The following UBASH3B variants were observed in gnomAD, a reference collection of about 807,000 sequenced individuals.
The protein encoded by UBASH3B is ubiquitin associated and SH3 domain containing B.
In UBASH3B, 37 loss-of-function variants were observed where a neutral mutation model predicts 83.4. The ratio of observed to expected loss-of-function variants is 0.44; its 90% confidence interval spans 0.34 to 0.58. The LOEUF is 0.58. Among genes scored for constraint, UBASH3B ranks in the 20% least tolerant of loss-of-function variants. UBASH3B has a pLI of 0.01. For synonymous variants in UBASH3B, 304 were observed against 318.3 expected (o/e 0.96, Z 0.48); for missense variants, 657 against 827.2 (o/e 0.79, Z 2.52).
intron 1 of UBASH3B, among the ~76,000 whole-genome samples, chr11:122,762,864 T>A (rs1215139241): frequency 6.6e-6 from 1 of 152,238 alleles, no homozygotes; most frequent in African/African-American, 2.4e-5. Context: ...TTTACAGACA[T>A]TATTCCAGGA....
intron 1 of UBASH3B, among the ~76,000 whole-genome samples, chr11:122,677,284 T>A (rs1052985157): frequency 2.6e-5 from 4 of 152,212 alleles, no homozygotes; most frequent in Admixed American, 1.3e-4. Flanking sequence ...AGGATTTCGA[T>A]ATCTGAGGGA....
At chr11:122,676,400 G>A (rs1257101042) in intron 1 of UBASH3B, among the ~76,000 whole-genome samples, 3 of 152,098 alleles carry the variant, frequency 2.0e-5, no homozygotes, top group East Asian at 1.9e-4. Context: ...TTAGCTGGAC[G>A]TGGTGGCAGG....
chr11:122,676,144 G>A (rs1003457595), intron 1 of UBASH3B, among the ~76,000 whole-genome samples: 2 of 152,150 alleles, frequency 1.3e-5, no homozygotes, highest in South Asian at 2.1e-4. Context: ...GCTCAGGCCT[G>A]TAATCCCAAC....
chr11:122,725,447 C>A (rs1217750885), intron 1 of UBASH3B, among the ~76,000 whole-genome samples: 3 of 151,690 alleles, frequency 2.0e-5, no homozygotes, highest in African/African-American at 7.3e-5. Flanking sequence ...TAACCGTGGT[C>A]AGGAGGCAAG....
At chr11:122,799,786 C>T (rs538723121) in intron 10 of UBASH3B, among the ~76,000 whole-genome samples, 2 of 152,352 alleles carry the variant, frequency 1.3e-5, no homozygotes, top group South Asian at 4.1e-4. Context: ...AGATACTCAA[C>T]TTTCACCCTA....
chr11:122,762,327 C>A (rs991659836), intron 1 of UBASH3B, among the ~76,000 whole-genome samples: 6 of 152,202 alleles, frequency 3.9e-5, no homozygotes, highest in Non-Finnish European at 8.8e-5. Flanking sequence ...TGTTACTACT[C>A]TGCCAACTGG....
intron 11 of UBASH3B, among the ~76,000 whole-genome samples, chr11:122,804,514 T>C (rs1861305760): frequency 6.6e-6 from 1 of 152,164 alleles, no homozygotes; most frequent in Admixed American, 6.5e-5. Context: ...CAGACTCAGA[T>C]TCAAATCCAG....
rs187254137 is a variant in UBASH3B, at chr11:122,801,100, G to A, written c.1451-88G>A. On this transcript the variant is annotated intron_variant, in intron 10 of 13. Coordinates refer to ENST00000284273, the MANE Select transcript of UBASH3B (RefSeq NM_032873.5). ...TATATATAGCAGCCAGTAGGAAAGA[G>A]AATAGCTGATTTATCAGAATTTTTA... 1,050 of 1,506,824 alleles carry A rather than the reference G, an allele frequency of 7.0e-4. 9 individuals are homozygous for A. The African/African-American group carries it at 0.012, about 18-fold the overall frequency. The allele number at this position is 1,506,824 out of a possible 1,614,324, so 93.3% of individuals were successfully genotyped here. A position where few individuals can be genotyped will look rare whatever the true frequency, so the allele number is the denominator to read the frequency against.
intron 13 of UBASH3B, among the ~76,000 whole-genome samples, chr11:122,809,232 G>A (rs966732280): frequency 6.6e-5 from 10 of 151,968 alleles, no homozygotes; most frequent in Non-Finnish European, 1.5e-4. Context: ...ATGCCACCAC[G>A]CCCAGCTAAT....
chr11:122,785,899 T>C (rs544067109), intron 5 of UBASH3B, among the ~76,000 whole-genome samples: 20 of 152,132 alleles, frequency 1.3e-4, no homozygotes, highest in Non-Finnish European at 2.2e-4. Flanking sequence ...TGAGTGAGAA[T>C]AAAAAGGGCT....
At chr11:122,679,094 C>T (rs1863705569) in intron 1 of UBASH3B, among the ~76,000 whole-genome samples, 1 of 152,092 alleles carries the variant, frequency 6.6e-6, no homozygotes. Flanking sequence ...GCACAAGACT[C>T]ACAGGATCCA....
At chr11:122,732,246 A>G (rs1427413939) in intron 1 of UBASH3B, among the ~76,000 whole-genome samples, 2 of 152,168 alleles carry the variant, frequency 1.3e-5, no homozygotes, top group African/African-American at 2.4e-5. Context: ...AGCAGATGGA[A>G]GCAGACCACA....
At chr11:122,779,940 A>T (rs959533761) in intron 4 of UBASH3B, among the ~76,000 whole-genome samples, 17 of 152,084 alleles carry the variant, frequency 1.1e-4, no homozygotes, top group African/African-American at 3.6e-4. Context: ...CCTAACACCC[A>T]AGTTGAAGTT....
At chr11:122,734,878 A>G (rs1337520885) in intron 1 of UBASH3B, among the ~76,000 whole-genome samples, 1 of 151,538 alleles carries the variant, frequency 6.6e-6, no homozygotes, top group East Asian at 1.9e-4. Flanking sequence ...TTCCCTCTGC[A>G]TTTTCAGATC....
At chr11:122,683,529 C>T (rs1863769700) in intron 1 of UBASH3B, among the ~76,000 whole-genome samples, 1 of 151,538 alleles carries the variant, frequency 6.6e-6, no homozygotes, top group Non-Finnish European at 1.5e-5. Context: ...GCAGGAGAAT[C>T]TGGAGGCGGA....
intron 4 of UBASH3B, chr11:122,782,675 A>G (rs1281395676): frequency 6.1e-6 from 1 of 165,222 alleles, no homozygotes; most frequent in East Asian, 1.7e-4. Flanking sequence ...TCACGCAGCT[A>G]TAAAACATGC....
chr11:122,796,592 C>G (rs547488385), intron 8 of UBASH3B, among the ~76,000 whole-genome samples: 1 of 152,072 alleles, frequency 6.6e-6, no homozygotes, highest in Non-Finnish European at 1.5e-5. Flanking sequence ...CTGGCTCGCT[C>G]GGTTCCATTT....
intron 3 of UBASH3B, among the ~76,000 whole-genome samples, chr11:122,777,971 C>A (rs1309607372): frequency 6.6e-6 from 1 of 151,952 alleles, no homozygotes; most frequent in East Asian, 1.9e-4. Context: ...CTCAAGTGAT[C>A]CGCCCACCTC....
rs1157445909 is a variant in UBASH3B, at chr11:122,799,028, T to C, written c.1444T>C (p.Leu482=). The C allele has an allele frequency of 1.9e-6, 3 of 1,613,940 alleles. No individual in the cohort carries two copies. In the Admixed American group the frequency reaches 5.0e-5, roughly 27 times the overall value. Residue 482 remains leucine, a synonymous_variant, in exon 10 of 14, where the codon TTG becomes CTG. Transcript: ENST00000284273. The part of the protein sequence containing the change: ...LRCVQTAHNI[L]KGLQQENHLK... The stretch of plus-strand genomic sequence containing the variant: ...CTGCGTTCAGACTGCACACAATATC[T>C]TGAAAGGTAAGACTTGCAGGTTGAC...
Sources: allele counts gnomAD v4.1 joint callset (sites outside exome capture counted in the v4.1 genomes callset), GRCh38; gene constraint gnomAD v4.1.1; transcripts MANE v1.5; gene names NCBI Gene and HGNC (gene_info 2026-07-23, HGNC 2026-07-21).